The following WLS variants were observed in gnomAD, a reference collection of about 807,000 sequenced individuals.
The protein encoded by WLS is protein wntless homolog.
WLS carries 23 observed loss-of-function variants against 62.8 expected under a neutral mutation model. The observed-to-expected ratio is 0.37, with a 90% CI of 0.26 to 0.52. The LOEUF is 0.52. Among genes scored for constraint, WLS ranks in the 20% least tolerant of loss-of-function variants. WLS has a pLI of 0.92. For synonymous variants in WLS, 246 were observed against 244.1 expected, an observed-to-expected ratio of 1.01 and a Z score of -0.07; for missense variants, 615 against 697.3, an observed-to-expected ratio of 0.88 and a Z score of 1.33.
At chr1:68,135,444 C>G (rs957337778) in intron 11 of WLS, among the ~76,000 whole-genome samples, 2 of 151,736 alleles carry the variant, frequency 1.3e-5, no homozygotes, top group Middle Eastern at 6.3e-3. Flanking sequence ...GCCATTGCAC[C>G]CAGGCTAACC....
rs761306411 is a variant in WLS at position 68,144,647 on chromosome 1, T to C, written c.1284A>G (p.Leu428=). ...GCATGAGGAACTTGAACCTAAAAAT[T>C]AGCCCCTATTAGAAAAGAAAGAGTA... The part of the protein sequence containing the change: ...SKVRRLHYEG[L]IFRFKFLMLI... Residue 428 remains leucine (L), a synonymous_variant, in exon 10 of 12, where the codon CTA becomes CTG. Coordinates refer to ENST00000262348, the MANE Select transcript of WLS (RefSeq NM_024911.7). 1 of 1,613,130 alleles carries C rather than the reference T, an allele frequency of 6.2e-7. No individual in the cohort carries two copies. Among genetic ancestry groups the C allele is most frequent in the East Asian group, 2.2e-5 (1 of 44,860 alleles).
At chr1:68,104,916 G>C (rs905605553) in intron 11 of WLS, among the ~76,000 whole-genome samples, 1 of 152,158 alleles carries the variant, frequency 6.6e-6, no homozygotes, top group Non-Finnish European at 1.5e-5. Context: ...CAAGACACCT[G>C]TCTCAGTAAA....
At chr1:68,151,082 G>T (rs550495703) in intron 5 of WLS, among the ~76,000 whole-genome samples, 2 of 152,224 alleles carry the variant, frequency 1.3e-5, no homozygotes, top group African/African-American at 4.8e-5. Context: ...CAACTGAATA[G>T]ATTAGGATCA....
intron 2 of WLS, chr1:68,186,591 T>C (rs1190354839): frequency 2.2e-6 from 1 of 455,966 alleles, no homozygotes; most frequent in African/African-American, 2.0e-5. Flanking sequence ...GAAGCCATCA[T>C]GTGTAATAGG....
intron 1 of WLS, among the ~76,000 whole-genome samples, chr1:68,204,894 C>T (rs1354590417): frequency 6.6e-6 from 1 of 152,162 alleles, no homozygotes; most frequent in East Asian, 1.9e-4. Context: ...TTATAAGCTC[C>T]TAAGGGGAAG....
At chr1:68,155,765 G>A (rs893191906) in intron 3 of WLS, among the ~76,000 whole-genome samples, 11 of 151,992 alleles carry the variant, frequency 7.2e-5, no homozygotes, top group Non-Finnish European at 1.3e-4. Context: ...GCTAGAAGAA[G>A]CTGAAAATAT....
intron 1 of WLS, among the ~76,000 whole-genome samples, chr1:68,198,076 A>G (rs888512173): frequency 1.3e-5 from 2 of 152,174 alleles, no homozygotes; most frequent in Non-Finnish European, 2.9e-5. Context: ...GAGTAATGCA[A>G]TATTACCCAG....
chr1:68,223,567 G>T (rs1377646202), intron 1 of WLS, among the ~76,000 whole-genome samples: 1 of 152,128 alleles, frequency 6.6e-6, no homozygotes, highest in East Asian at 1.9e-4. Context: ...GATGGATTTG[G>T]GATTAATCAA....
chr1:68,122,596 A>G (rs1328401284), downstream of WLS, among the ~76,000 whole-genome samples: 3 of 152,220 alleles, frequency 2.0e-5, no homozygotes, highest in Non-Finnish European at 4.4e-5. Flanking sequence ...GTAAAATTAT[A>G]TACTTTTTTC....
chr1:68,183,604 TGTAG>T (rs1557503742), intron 2 of WLS: 5 of 509,908 alleles, frequency 9.8e-6, no homozygotes, highest in Non-Finnish European at 2.0e-5. Flanking sequence ...CCATCACCAT[TGTAG>T]ATAATGTGAG....
intron 2 of WLS, among the ~76,000 whole-genome samples, chr1:68,163,560 T>C (rs1570928388): frequency 2.9e-5 from 4 of 137,176 alleles, no homozygotes; most frequent in African/African-American, 8.4e-5. Context: ...TCTCTCCAGC[T>C]CCCCACCACT....
chr1:68,231,747 G>C (rs776711367), intron 1 of WLS: 1 of 465,472 alleles, frequency 2.1e-6, no homozygotes, highest in African/African-American at 2.0e-5. Context: ...GGTTTGCGCC[G>C]GGCACAGTTC....
At chr1:68,171,815 A>G (rs1181257438) in intron 2 of WLS, among the ~76,000 whole-genome samples, 1 of 152,232 alleles carries the variant, frequency 6.6e-6, no homozygotes, top group Non-Finnish European at 1.5e-5. Flanking sequence ...ATTACTGGGT[A>G]TATACCCAAA....
chr1:68,120,562 G>A (rs886139929), downstream of WLS, among the ~76,000 whole-genome samples: 3 of 152,204 alleles, frequency 2.0e-5, no homozygotes, highest in African/African-American at 7.2e-5. Flanking sequence ...ACCTTGCACA[G>A]GTCACTTCAC....
intron 11 of WLS, among the ~76,000 whole-genome samples, chr1:68,131,208 G>GC (rs1277953858): frequency 1.1e-5 from 1 of 93,164 alleles, no homozygotes; most frequent in Non-Finnish European, 2.6e-5. Context: ...ACCGCACCTG[G>GC]CCTTTTTTTT....
At chr1:68,137,956 T>C (rs749565374) in intron 10 of WLS, 23 bp from the exon 11 acceptor site, 2 of 1,612,918 alleles carry the variant, frequency 1.2e-6, no homozygotes, top group Non-Finnish European at 8.5e-7. Flanking sequence ...GATGGTGATA[T>C]TCAATTGAAA....
chr1:68,217,578 A>G (rs1358797609), intron 1 of WLS, among the ~76,000 whole-genome samples: 1 of 152,246 alleles, frequency 6.6e-6, no homozygotes, highest in Non-Finnish European at 1.5e-5. Flanking sequence ...CAGAACCCCA[A>G]ACTGACTGAA....
At chr1:68,228,191 A>G in intron 1 of WLS, 1 of 419,302 alleles carries the variant, frequency 2.4e-6, no homozygotes, top group Non-Finnish European at 4.6e-6. Flanking sequence ...TTTCTAAAGA[A>G]ATAATAATTG....
intron 11 of WLS, among the ~76,000 whole-genome samples, chr1:68,131,299 G>A (rs1435183661): frequency 6.6e-6 from 1 of 151,998 alleles, no homozygotes; most frequent in African/African-American, 2.4e-5. Context: ...TTTGCCTGGT[G>A]CAGGCAAGGG....
Sources: allele counts gnomAD v4.1 joint callset (sites outside exome capture counted in the v4.1 genomes callset), GRCh38; gene constraint gnomAD v4.1.1; transcripts MANE v1.5; gene names NCBI Gene and HGNC (gene_info 2026-07-23, HGNC 2026-07-21).